The following RASA3 variants were observed in gnomAD, a reference collection of about 807,000 sequenced individuals.
RASA3 encodes RAS p21 protein activator 3.
A neutral mutation model predicts 110.0 loss-of-function variants in RASA3; 73 were observed. The ratio of observed to expected loss-of-function variants is 0.66; its 90% CI spans 0.55 to 0.81. The LOEUF is 0.81. RASA3 is among the 30% of genes least tolerant of loss of function. The probability of loss-of-function intolerance (pLI) is 0.00; values close to 1 mark genes in which losing one functional copy is unlikely to be tolerated. For missense variants in RASA3, 976 were observed against 1,113.2 expected, an observed-to-expected ratio of 0.88 and a Z score of 1.75; for synonymous variants, 500 against 451.4, an observed-to-expected ratio of 1.11 and a Z score of -1.37.
chr13:114,015,450 T>A, intron 13 of RASA3, 118 bp from the exon 14 acceptor site: 1 of 1,307,264 alleles, frequency 7.6e-7, no homozygotes, highest in Non-Finnish European at 1.1e-6. Context: ...GCAGGGCAGC[T>A]GCGGCAGTGA....
rs557267463 is a variant in RASA3 at position 114,056,020 on chromosome 13, G to A, written c.174-3865C>T. Among the ~76,000 whole-genome samples, 2 of 152,232 alleles carry A rather than the reference G, an allele frequency of 1.3e-5. No homozygotes were observed. Among genetic ancestry groups the A allele is most frequent in the Admixed American group, 1.3e-4 (2 of 15,288 alleles). ...CAAACTCCAGCAGCCGGCTTGTCAG[G>A]AAGCTGCAGCAGCTTCAGAGCAACC... On this transcript the variant is annotated intron_variant, in intron 2 of 23. Transcript: ENST00000334062. This position sits in a 1 kb window ranked among gnomAD's most constrained non-coding sequence, Gnocchi z 5.7.
chr13:114,059,503 G>A (rs1053964497), intron 2 of RASA3, among the ~76,000 whole-genome samples: 2 of 152,252 alleles, frequency 1.3e-5, no homozygotes, highest in African/African-American at 4.8e-5. Flanking sequence ...TGAAGATGGG[G>A]ACGTCCACGT....
intron 4 of RASA3, among the ~76,000 whole-genome samples, chr13:114,038,567 C>A (rs2054326487): frequency 1.3e-5 from 2 of 152,360 alleles, no homozygotes; most frequent in Admixed American, 1.3e-4. Flanking sequence ...AGGGCCTCAC[C>A]CCACCCCCAC....
At chr13:114,052,909 G>A (rs565410533) in intron 2 of RASA3, among the ~76,000 whole-genome samples, 77 of 136,894 alleles carry the variant, frequency 5.6e-4, no homozygotes, top group African/African-American at 2.0e-3. Context: ...CTGGCTCCTG[G>A]GGGAGAGACC....
intron 13 of RASA3, 52 bp from the exon 14 acceptor site, chr13:114,015,384 G>T: frequency 6.2e-7 from 1 of 1,601,860 alleles, no homozygotes. Flanking sequence ...CCACAGGTGC[G>T]TGTAGCACCA....
intron 2 of RASA3, among the ~76,000 whole-genome samples, chr13:114,053,068 ACTGTGCTTAGAGTCCTCGCTC>A (rs1163627794): frequency 2.6e-4 from 38 of 145,544 alleles, no homozygotes; most frequent in African/African-American, 4.9e-4. Context: ...CCCACTGCTG[ACTGTGCTTAGAGTCCTCGCTC>A]CTGGGGGAGA....
At chr13:114,077,355 C>G (rs2079702453) in intron 1 of RASA3, among the ~76,000 whole-genome samples, 1 of 150,374 alleles carries the variant, frequency 6.7e-6, no homozygotes, top group Admixed American at 6.6e-5. Flanking sequence ...CCATCCCTGC[C>G]TGACGATGCC....
At chr13:114,076,498 A>ACGCACACACGCAG (rs933206031) in intron 1 of RASA3, among the ~76,000 whole-genome samples, 12 of 151,874 alleles carry the variant, frequency 7.9e-5, no homozygotes, top group African/African-American at 2.4e-4. Flanking sequence ...CACGCAGCAC[A>ACGCACACACGCAG]CGCACACACG....
intron 2 of RASA3, among the ~76,000 whole-genome samples, chr13:114,058,580 G>C (rs2079285569): frequency 6.6e-6 from 1 of 152,266 alleles, no homozygotes; most frequent in African/African-American, 2.4e-5. Context: ...TGCTGGGACA[G>C]CATCTCCTTC....
rs942971768 is a variant in RASA3, at chr13:114,057,492, G to A, written c.174-5337C>T. 1.0e-6 allele frequency: 1 copy of A among 985,404 alleles called. No individual in the cohort carries two copies. Among genetic ancestry groups the A allele is most frequent in the South Asian group, 4.7e-5 (1 of 21,288 alleles). The allele number at this position is 985,404 out of a possible 1,614,324, so 61.0% of individuals were successfully genotyped here. On this transcript the variant is annotated intron_variant, in intron 2 of 23. Coordinates refer to ENST00000334062, the MANE Select transcript of RASA3 (RefSeq NM_007368.4). The surrounding 1 kb of genome is among the most constrained non-coding windows in gnomAD (Gnocchi z 5.0). ...GCCAGTCTCTGTGCCAGAATAGAGG[G>A]TTCGTTCAGCTTCTTAGACCGATGA...
intron 3 of RASA3, among the ~76,000 whole-genome samples, chr13:114,050,110 A>G (rs2079119938): frequency 6.6e-6 from 1 of 152,208 alleles, no homozygotes; most frequent in Non-Finnish European, 1.5e-5. Context: ...AGAGAGGAAG[A>G]GGGAACCCTT....
chr13:114,019,052 C>A, intron 9 of RASA3, 133 bp from the exon 10 acceptor site: 1 of 1,138,278 alleles, frequency 8.8e-7, no homozygotes, highest in Non-Finnish European at 1.2e-6. Flanking sequence ...CAGAGTGCAG[C>A]CCCTGGGGAC....
chr13:113,998,303 CCCTCCTCTTCCCAT>C (rs1356282724), intron 20 of RASA3, among the ~76,000 whole-genome samples: 32 of 152,262 alleles, frequency 2.1e-4, no homozygotes, highest in East Asian at 1.4e-3. Context: ...CTCTTCCCAG[CCCTCCTCTTCCCAT>C]GCCCTCCTCT....
At chr13:114,024,229 A>G in intron 8 of RASA3, 50 bp downstream of exon 8, 1 of 1,495,298 alleles carries the variant, frequency 6.7e-7, no homozygotes, top group Non-Finnish European at 9.3e-7. Flanking sequence ...AGAGCTGAGG[A>G]GTTTGGGTGA....
chr13:113,996,713 A>G lies in RASA3; in HGVS notation c.1959T>C (p.Arg653=). Residue 653 remains arginine (R), a synonymous_variant, in exon 21 of 24, where the codon CGT becomes CGC. Coordinates refer to ENST00000334062, the MANE Select transcript of RASA3 (RefSeq NM_007368.4). ...KNMFQVIQPE[R]ALYIQANNCV... ...AGTTGTTGGCCTGGATGTACAGCGC[A>G]CGCTCTGGCTGGATGACCTGGAACA... is the stretch of plus-strand genomic sequence containing the variant. 3 of 1,613,712 alleles carry G rather than the reference A, an allele frequency of 1.9e-6. No individual in the cohort carries two copies. Among genetic ancestry groups the G allele is most frequent in the Non-Finnish European group, 2.5e-6 (3 of 1,179,998 alleles).
intron 1 of RASA3, among the ~76,000 whole-genome samples, chr13:114,105,205 G>A (rs1212356653): frequency 1.3e-5 from 2 of 152,208 alleles, no homozygotes; most frequent in Admixed American, 1.3e-4. Context: ...GCAGGTCCGG[G>A]ACTGGGAGGA....
intron 7 of RASA3, 119 bp downstream of exon 7, chr13:114,027,270 C>G: frequency 1.1e-6 from 1 of 921,112 alleles, no homozygotes; most frequent in Non-Finnish European, 1.7e-6. Context: ...GCGGGGCTCG[C>G]TCCTCTCCGG....
chr13:114,069,701 C>T (rs2079528042), intron 2 of RASA3, among the ~76,000 whole-genome samples: 1 of 23,074 alleles, frequency 4.3e-5, no homozygotes, highest in African/African-American at 2.3e-4. Context: ...CCAGGAGACT[C>T]GGGGGGCCAG....
intron 1 of RASA3, 124 bp downstream of exon 1, chr13:114,132,311 C>A (rs1359530663): frequency 2.9e-6 from 3 of 1,040,602 alleles, no homozygotes; most frequent in Non-Finnish European, 3.8e-6. Context: ...CTCCGGGGAG[C>A]GCGCCGCGCC....
Sources: allele counts gnomAD v4.1 joint callset (sites outside exome capture counted in the v4.1 genomes callset), GRCh38; gene constraint gnomAD v4.1.1; non-coding constraint Gnocchi (gnomAD v3.1); transcripts MANE v1.5; gene names NCBI Gene and HGNC (gene_info 2026-07-23, HGNC 2026-07-21).